Variants in PCDHGA10 observed in about 807,000 individuals in gnomAD.
PCDHGA10 encodes the protein protocadherin gamma subfamily A, 10.
PCDHGA10 carries 42 observed loss-of-function variants against 59.5 expected under a neutral mutation model. The observed-to-expected ratio is 0.71, with a 90% confidence interval of 0.55 to 0.91. PCDHGA10 has a LOEUF of 0.91. PCDHGA10 is among the 40% of genes least tolerant of loss of function. The pLI is 0.00. For synonymous variants in PCDHGA10, 511 were observed against 517.2 expected, an observed-to-expected ratio of 0.99 and a Z score of 0.16; for missense variants, 1,111 against 1,198.2, an observed-to-expected ratio of 0.93 and a Z score of 1.07.
chr5:141,415,590 A>G lies in PCDHGA10; in HGVS notation c.2415A>G (p.Ile805Met), dbSNP rs201666137. The change falls in exon 1 of 4, where the codon ATA becomes ATG. Residue 805 changes from isoleucine to methionine, a missense_variant. Physicochemically the swap from Ile to Met is conservative, Grantham distance 10 (BLOSUM62 1). Transcript: ENST00000398610. ...TGTTAGATGATTCGAAGTTTCCTAT[A>G]GAGGATACCCCATTGGTTCCAGTGA... ...LSLLDDSKFP[I>M]EDTPLVPQAP... 60 of 1,613,946 alleles carry G rather than the reference A, an allele frequency of 3.7e-5. 1 individual carries two copies. The African/African-American group carries it at 7.2e-4, about 19-fold the overall frequency.
Position 141,430,800 on chromosome 5 carries a change from T to C in PCDHGA10, c.2436+15189T>C, listed in dbSNP as rs770490590. 2.6e-6 allele frequency: 4 copies of C among 1,524,818 alleles called. No homozygotes were observed. In the South Asian group the frequency reaches 5.3e-5, roughly 20 times the overall value. 94.5% of individuals were successfully genotyped at this position (1,524,818 alleles called of 1,614,324 possible). A position where few individuals can be genotyped will look rare whatever the true frequency, so the allele number is the denominator to read the frequency against. ...CTGCACCGGGACTACAAAGGGCTTG[T>C]CCTGCTGGGAATCCTCCTGGGGACT... is the stretch of plus-strand genomic sequence containing the variant. On this transcript the variant is annotated intron_variant, in intron 1 of 3. Transcript: ENST00000398610.
At chr5:141,468,841 G>C (rs1189145481) in intron 1 of PCDHGA10, among the ~76,000 whole-genome samples, 3 of 152,014 alleles carry the variant, frequency 2.0e-5, no homozygotes, top group Non-Finnish European at 4.4e-5. Flanking sequence ...ACTCCAGCCT[G>C]GGCAACAGAG....
At position 141,487,421 on chromosome 5, in the gene PCDHGA10, C is replaced by A. The variant is rs1365581881; in HGVS notation, c.2437-7386C>A. On this transcript the variant is annotated intron_variant, in intron 1 of 3. Coordinates refer to ENST00000398610, the MANE Select transcript of PCDHGA10 (RefSeq NM_018913.3). This position sits in a 1 kb window ranked among gnomAD's most constrained non-coding sequence, Gnocchi z 5.0. ...GGGGCTTCCCCCTTCCAATGGGATC[C>A]TCCGAATCCAGCTAGGGTCAGATGA... 2 of 1,614,026 alleles carry A rather than the reference C, an allele frequency of 1.2e-6. No individual in the cohort carries two copies. Among genetic ancestry groups the A allele is most frequent in the South Asian group, 1.1e-5 (1 of 91,086 alleles).
rs149653507 is a variant in PCDHGA10 at position 141,469,869 on chromosome 5, G to A, written c.2437-24938G>A. Among the ~76,000 whole-genome samples, 591 of 152,290 alleles carry A rather than the reference G, an allele frequency of 3.9e-3. 6 individuals are homozygous for A. Among genetic ancestry groups the A allele is most frequent in the Admixed American group, 0.011 (171 of 15,304 alleles). On this transcript the variant is annotated intron_variant, in intron 1 of 3. Transcript: ENST00000398610. ...ATTCAGACCGGGTGCAATGGCTCACGCCTGTAATCTCGGCACTTTGGGAAG... is the reference window on the plus strand; with the variant it reads ...ATTCAGACCGGGTGCAATGGCTCACACCTGTAATCTCGGCACTTTGGGAAG...
chr5:141,451,095 T>G (rs1158753327), intron 1 of PCDHGA10, among the ~76,000 whole-genome samples: 2 of 152,180 alleles, frequency 1.3e-5, no homozygotes, highest in African/African-American at 4.8e-5. Context: ...CCCAAAGTGT[T>G]GGGATTACAG....
rs756706355 is a variant in PCDHGA10 at position 141,486,950 on chromosome 5, G to A, written c.2437-7857G>A. On this transcript the variant is annotated intron_variant, in intron 1 of 3. Transcript: ENST00000398610. This position sits in a 1 kb window ranked among gnomAD's most constrained non-coding sequence, Gnocchi z 5.0. The stretch of plus-strand genomic sequence containing the variant: ...TGGTGCTGGCCACCTAATCACAAAG[G>A]TGACTGCTGTGGACTTGGATTCAGG... 2 of 1,614,202 alleles carry A rather than the reference G, an allele frequency of 1.2e-6. No homozygotes were observed. The highest frequency in any genetic ancestry group is 1.7e-6 in the Non-Finnish European group (2 of 1,180,044).
chr5:141,428,536 A>G (rs981530261), intron 1 of PCDHGA10: 1 of 273,778 alleles, frequency 3.7e-6, no homozygotes, highest in Non-Finnish European at 7.2e-6. Flanking sequence ...TTTTCTCACC[A>G]TGACACCAGA....
chr5:141,449,944 T>C (rs1375717746), intron 1 of PCDHGA10, among the ~76,000 whole-genome samples: 1 of 151,744 alleles, frequency 6.6e-6, no homozygotes, highest in Non-Finnish European at 1.5e-5. Flanking sequence ...TATATTTTAC[T>C]ATACCTCATA....
intron 1 of PCDHGA10, among the ~76,000 whole-genome samples, chr5:141,467,254 T>C (rs1291193879): frequency 2.0e-5 from 3 of 152,248 alleles, no homozygotes; most frequent in Admixed American, 6.5e-5. Flanking sequence ...GGTTTCACCA[T>C]GTTGGCCAGG....
intron 2 of PCDHGA10, among the ~76,000 whole-genome samples, chr5:141,497,158 T>A (rs2099774560): frequency 6.6e-6 from 1 of 151,860 alleles, no homozygotes; most frequent in African/African-American, 2.4e-5. Flanking sequence ...AAAAATAATC[T>A]AGCCACAAAT....
chr5:141,453,318 AG>A (rs1299190594), intron 1 of PCDHGA10, among the ~76,000 whole-genome samples: 2 of 151,458 alleles, frequency 1.3e-5, no homozygotes, highest in Non-Finnish European at 2.9e-5. Context: ...TTTATTTTAG[AG>A]ATGGGGTCTC....
At chr5:141,433,353 G>C (rs2097584366) in intron 1 of PCDHGA10, 4 of 603,272 alleles carry the variant, frequency 6.6e-6, no homozygotes, top group South Asian at 6.2e-5. Context: ...GCCACCTACT[G>C]TCTGCCTATC....
intron 1 of PCDHGA10, among the ~76,000 whole-genome samples, chr5:141,444,150 GGA>G (rs1471930589): frequency 1.6e-4 from 18 of 114,012 alleles, no homozygotes; most frequent in Non-Finnish European, 2.3e-4. Context: ...TGTGTGTACT[GGA>G]TTTTTTTTTT....
intron 1 of PCDHGA10, among the ~76,000 whole-genome samples, chr5:141,429,377 G>GTT (rs566693637): frequency 2.2e-4 from 33 of 149,524 alleles, no homozygotes; most frequent in South Asian, 1.5e-3. Context: ...GAGAAAATGT[G>GTT]TTTTTTTTTT....
At chr5:141,459,831 G>A (rs907978430) in intron 1 of PCDHGA10, among the ~76,000 whole-genome samples, 1 of 152,150 alleles carries the variant, frequency 6.6e-6, no homozygotes, top group Admixed American at 6.6e-5. Context: ...CTTTTCATGT[G>A]TTGTCTATTT....
chr5:141,413,520 A>G lies in PCDHGA10; in HGVS notation c.345A>G (p.Glu115=). 6.2e-7 allele frequency: 1 copy of G among 1,613,986 alleles called. No homozygotes were observed. Among genetic ancestry groups the G allele is most frequent in the Non-Finnish European group, 8.5e-7 (1 of 1,179,914 alleles). The change falls in exon 1 of 4, where the codon GAA becomes GAG. Residue 115 remains glutamate, a synonymous_variant. Coordinates refer to ENST00000398610, the MANE Select transcript of PCDHGA10 (RefSeq NM_018913.3). ...RCVVSFNILV[E]DRVKLFGIEI... ...TGGTGAGTTTTAATATCCTTGTGGA[A>G]GACAGGGTGAAACTTTTTGGGATAG...
chr5:141,460,795 G>GTA (rs2154567069), intron 1 of PCDHGA10, among the ~76,000 whole-genome samples: 1 of 151,608 alleles, frequency 6.6e-6, no homozygotes, highest in East Asian at 1.9e-4. Flanking sequence ...TACACACAAA[G>GTA]TATATATATG....
rs1201654822 is a variant in PCDHGA10, at chr5:141,476,876, C to T, written c.2437-17931C>T. ...CCAGTCCTTGTACCGGGCGCGCGTC[C>T]TGGAGGATGCACCCTCCGGCACGCG... On this transcript the variant is annotated intron_variant, in intron 1 of 3. Transcript: ENST00000398610. The surrounding 1 kb of genome is among the most constrained non-coding windows in gnomAD (Gnocchi z 7.6). 6.2e-7 allele frequency: 1 copy of T among 1,613,876 alleles called. No homozygotes were observed. The highest frequency in any genetic ancestry group is 1.7e-5 in the Admixed American group (1 of 60,018).
intron 2 of PCDHGA10, among the ~76,000 whole-genome samples, chr5:141,500,894 C>CAG (rs10656935): frequency 0.58 from 88,074 of 150,994 alleles, 27,125 homozygotes; most frequent in African/African-American, 0.78. Flanking sequence ...TTTTTTGAGA[C>CAG]AGTCTCGCTC....
Sources: gnomAD v4.1 joint callset for allele counts (sites outside exome capture counted in the v4.1 genomes callset) on GRCh38, gnomAD v4.1.1 for gene constraint, Gnocchi (gnomAD v3.1) non-coding constraint, MANE v1.5 for transcripts, NCBI Gene and HGNC (gene_info 2026-07-23, HGNC 2026-07-21) for gene names.